Variants in MAP2K6 observed in about 807,000 individuals in gnomAD.
MAP2K6 encodes mitogen-activated protein kinase kinase 6, also known as dual specificity mitogen-activated protein kinase kinase 6.
A neutral mutation model predicts 53.7 loss-of-function variants in MAP2K6; 16 were observed. The ratio of observed to expected loss-of-function variants is 0.30; its 90% CI spans 0.20 to 0.45. MAP2K6 has a LOEUF of 0.45. Ranked by LOEUF, MAP2K6 falls within the 20% of genes least tolerant of loss-of-function variation. The pLI is 1.00. For synonymous variants in MAP2K6, 132 were observed against 143.1 expected, an observed-to-expected ratio of 0.92 and a Z score of 0.55; for missense variants, 204 against 411.9, an observed-to-expected ratio of 0.50 and a Z score of 4.37.
At chr17:69,524,059 A>G (rs1910634004) in intron 8 of MAP2K6, among the ~76,000 whole-genome samples, 1 of 152,064 alleles carries the variant, frequency 6.6e-6, no homozygotes, top group African/African-American at 2.4e-5. Flanking sequence ...TAAGGGCCCC[A>G]ATCCTATTCA....
At chr17:69,467,125 T>G (rs928357091) in intron 1 of MAP2K6, among the ~76,000 whole-genome samples, 5 of 152,208 alleles carry the variant, frequency 3.3e-5, no homozygotes, top group African/African-American at 1.2e-4. Context: ...ATGCTTTACT[T>G]GAAGCTGAGT....
Position 69,520,187 on chromosome 17 carries a change from A to G in MAP2K6, c.367-83A>G, listed in dbSNP as rs1047790536. ...AGAAAGAAATAGTTAATTCTTCAGGATAGGGTTTACTGTTTTTTTTTTTTA... is the reference window on the plus strand; with the variant it reads ...AGAAAGAAATAGTTAATTCTTCAGGGTAGGGTTTACTGTTTTTTTTTTTTA... On this transcript the variant is annotated intron_variant, in intron 5 of 11. Coordinates refer to ENST00000590474, the MANE Select transcript of MAP2K6 (RefSeq NM_002758.4). 13 of 720,032 alleles carry G rather than the reference A, an allele frequency of 1.8e-5. No individual in the cohort carries two copies. The East Asian group carries it at 2.2e-4, about 12-fold the overall frequency. The allele number at this position is 720,032 out of a possible 1,614,324, so 44.6% of individuals were successfully genotyped here.
intron 1 of MAP2K6, among the ~76,000 whole-genome samples, chr17:69,482,029 G>C (rs550974955): frequency 4.9e-4 from 74 of 152,168 alleles, no homozygotes; most frequent in Non-Finnish European, 7.7e-4. Flanking sequence ...TCTAGTGTAG[G>C]GTTGGCCCCA....
At chr17:69,480,846 G>C (rs965716926) in intron 1 of MAP2K6, among the ~76,000 whole-genome samples, 10 of 152,274 alleles carry the variant, frequency 6.6e-5, no homozygotes, top group African/African-American at 2.2e-4. Context: ...AGTACTTCTA[G>C]CTTGGTTTTG....
At chr17:69,461,458 G>A (rs1238271780) in intron 1 of MAP2K6, among the ~76,000 whole-genome samples, 1 of 152,206 alleles carries the variant, frequency 6.6e-6, no homozygotes, top group African/African-American at 2.4e-5. Flanking sequence ...CAACTCTGTG[G>A]GAGTTGTTGG....
At chr17:69,533,743 T>TG (rs1911210813) in intron 10 of MAP2K6, among the ~76,000 whole-genome samples, 1 of 151,972 alleles carries the variant, frequency 6.6e-6, no homozygotes, top group Non-Finnish European at 1.5e-5. Flanking sequence ...TTGTTTTTTT[T>TG]TTTTTTTTTT....
At chr17:69,439,319 T>G (rs966834327) in intron 1 of MAP2K6, among the ~76,000 whole-genome samples, 1 of 152,226 alleles carries the variant, frequency 6.6e-6, no homozygotes, top group Non-Finnish European at 1.5e-5. Flanking sequence ...AATAGATGCC[T>G]CATCTCCAGT....
intron 1 of MAP2K6, among the ~76,000 whole-genome samples, chr17:69,493,334 C>T (rs1212918733): frequency 6.8e-6 from 1 of 147,546 alleles, no homozygotes; most frequent in African/African-American, 2.5e-5. Flanking sequence ...TGTGTTGCAA[C>T]ACTAACTACA....
intron 10 of MAP2K6, among the ~76,000 whole-genome samples, chr17:69,528,339 C>T (rs1399593188): frequency 6.6e-6 from 1 of 152,050 alleles, no homozygotes; most frequent in Non-Finnish European, 1.5e-5. Flanking sequence ...GCCTCGAGCA[C>T]TAGTGTAATA....
chr17:69,468,487 T>C (rs1309201323), intron 1 of MAP2K6, among the ~76,000 whole-genome samples: 4 of 152,214 alleles, frequency 2.6e-5, no homozygotes, highest in Non-Finnish European at 4.4e-5. Context: ...AATAAAGCTG[T>C]GTACGCAAAC....
At chr17:69,420,841 G>T (rs1054531679) in intron 1 of MAP2K6, among the ~76,000 whole-genome samples, 3 of 152,178 alleles carry the variant, frequency 2.0e-5, no homozygotes, top group Non-Finnish European at 2.9e-5. Context: ...ATGAGCAGGG[G>T]TTATTTTTCT....
At chr17:69,511,254 C>T (rs912596864) in intron 2 of MAP2K6, among the ~76,000 whole-genome samples, 16 of 152,072 alleles carry the variant, frequency 1.1e-4, no homozygotes, top group African/African-American at 2.7e-4. Flanking sequence ...TAGAGTATAC[C>T]GCTGTAGCTC....
chr17:69,485,565 C>T (rs1908502737), intron 1 of MAP2K6: 2 of 499,560 alleles, frequency 4.0e-6, no homozygotes, highest in Non-Finnish European at 5.2e-6. Context: ...CTTCATGCTG[C>T]TTAGGACCCC....
rs553970627 is a variant in MAP2K6, at chr17:69,487,638, A to G, written c.17-18142A>G. 1.1e-4 allele frequency among the ~76,000 whole-genome samples: 17 copies of G among 152,248 alleles called. No individual in the cohort carries two copies. The South Asian group carries it at 2.9e-3, about 26-fold the overall frequency. The stretch of plus-strand genomic sequence containing the variant: ...GTGAGGCTTACATTAATAACATCCC[A>G]AGTTTTCACTGCTAATGACGGGCTT... On this transcript the variant is annotated intron_variant, in intron 1 of 11. Coordinates refer to ENST00000590474, the MANE Select transcript of MAP2K6 (RefSeq NM_002758.4).
intron 1 of MAP2K6, among the ~76,000 whole-genome samples, chr17:69,467,061 G>A (rs1268333763): frequency 6.6e-6 from 1 of 152,156 alleles, no homozygotes; most frequent in Non-Finnish European, 1.5e-5. Context: ...ATAAGAATTG[G>A]TAATGACTCA....
At chr17:69,537,961 A>T (rs1452011214) in intron 11 of MAP2K6, among the ~76,000 whole-genome samples, 1 of 152,178 alleles carries the variant, frequency 6.6e-6, no homozygotes, top group Non-Finnish European at 1.5e-5. Flanking sequence ...ATTTCATATA[A>T]AATACAGTAG....
chr17:69,541,802 G>A lies in MAP2K6; in HGVS notation c.*49G>A, dbSNP rs201121602. The A allele has an allele frequency of 1.1e-4, 159 of 1,431,020 alleles. No homozygotes were observed. Among genetic ancestry groups the A allele is most frequent in the Non-Finnish European group, 1.3e-4 (137 of 1,018,908 alleles). 88.6% of individuals were successfully genotyped at this position (1,431,020 alleles called of 1,614,324 possible). A position where few individuals can be genotyped will look rare whatever the true frequency, so the allele number is the denominator to read the frequency against. On this transcript the variant is annotated 3_prime_UTR_variant, in exon 12 of 12. Transcript: ENST00000590474. ...ACCCTACTGTGGATTGGTGGGTTTC[G>A]GGGTGAAGCAAGTTCACTACAGCAT... is the stretch of plus-strand genomic sequence containing the variant.
At chr17:69,523,028 A>G (rs192250692) in intron 7 of MAP2K6, among the ~76,000 whole-genome samples, 2 of 152,148 alleles carry the variant, frequency 1.3e-5, no homozygotes, top group African/African-American at 2.4e-5. Context: ...ACCACTGCAC[A>G]CCGGTTGAGT....
intron 1 of MAP2K6, among the ~76,000 whole-genome samples, chr17:69,415,598 C>T (rs979279576): frequency 3.3e-5 from 5 of 152,194 alleles, no homozygotes; most frequent in African/African-American, 1.2e-4. Context: ...ACGAGTCTTG[C>T]TCTTCTGAGA....
Sources: allele counts gnomAD v4.1 joint callset (sites outside exome capture counted in the v4.1 genomes callset), GRCh38; gene constraint gnomAD v4.1.1; transcripts MANE v1.5; gene names NCBI Gene and HGNC (gene_info 2026-07-23, HGNC 2026-07-21).